Variants in SOX5 observed in about 807,000 individuals in gnomAD.
SOX5 encodes the protein transcription factor SOX-5.
In SOX5, 9 loss-of-function variants were observed where a neutral mutation model predicts 92.0. The ratio of observed to expected loss-of-function variants is 0.10; its 90% CI spans 0.06 to 0.17. SOX5 has a LOEUF of 0.17. SOX5 is among the 10% of genes least tolerant of loss of function. The pLI, the probability that SOX5 is intolerant of heterozygous loss-of-function variation, is 1.00. For missense variants in SOX5, 642 were observed against 944.5 expected (o/e 0.68, Z 4.20); for synonymous variants, 344 against 336.3 (o/e 1.02, Z -0.25).
chr12:24,257,621 AC>A (rs1268697324), intron 3 of SOX5, among the ~76,000 whole-genome samples: 1 of 151,996 alleles, frequency 6.6e-6, no homozygotes, highest in Non-Finnish European at 1.5e-5. Context: ...GGCACGCACC[AC>A]CACGACTGGC....
intron 4 of SOX5, among the ~76,000 whole-genome samples, chr12:24,141,495 G>A (rs1404061897): frequency 6.6e-6 from 1 of 152,192 alleles, no homozygotes; most frequent in Admixed American, 6.5e-5. Flanking sequence ...GATTTGGAAT[G>A]GAAGAAGATA....
At chr12:23,689,186 C>T (rs2088259945) in intron 6 of SOX5, among the ~76,000 whole-genome samples, 1 of 152,076 alleles carries the variant, frequency 6.6e-6, no homozygotes, top group African/African-American at 2.4e-5. Context: ...GTTTTCTCCT[C>T]CCCAACCATT....
At chr12:24,024,748 A>G (rs999594472) in intron 4 of SOX5, among the ~76,000 whole-genome samples, 2 of 151,956 alleles carry the variant, frequency 1.3e-5, no homozygotes, top group Admixed American at 1.3e-4. Flanking sequence ...AAAAGGGACT[A>G]CAACCTTTAA....
At chr12:24,452,493 C>T (rs948145263) in intron 1 of SOX5, among the ~76,000 whole-genome samples, 1 of 152,102 alleles carries the variant, frequency 6.6e-6, no homozygotes, top group African/African-American at 2.4e-5. Context: ...AGAGGCTAGA[C>T]TGATGACCTT....
At chr12:24,481,462 A>C (rs554163199) in intron 1 of SOX5, among the ~76,000 whole-genome samples, 69 of 152,298 alleles carry the variant, frequency 4.5e-4, no homozygotes, top group African/African-American at 1.7e-3. Context: ...GCTTGAGGGG[A>C]TGAATACCCC....
chr12:23,571,867 A>G (rs1456945130), intron 10 of SOX5, among the ~76,000 whole-genome samples: 2 of 152,150 alleles, frequency 1.3e-5, no homozygotes, highest in African/African-American at 2.4e-5. Context: ...TATCTACTCC[A>G]TCTAGTTAAG....
intron 4 of SOX5, among the ~76,000 whole-genome samples, chr12:24,085,619 C>T (rs1244707118): frequency 6.6e-6 from 1 of 151,962 alleles, no homozygotes; most frequent in African/African-American, 2.4e-5. Flanking sequence ...CCCACATACA[C>T]CTTAGAAACT....
chr12:23,986,715 G>A (rs1032946788), intron 4 of SOX5, among the ~76,000 whole-genome samples: 2 of 152,070 alleles, frequency 1.3e-5, no homozygotes, highest in South Asian at 2.1e-4. Context: ...GTCAAGTAGG[G>A]GTTGTACCAG....
intron 6 of SOX5, 98 bp from the exon 7 acceptor site, chr12:23,665,662 C>A: frequency 7.2e-7 from 1 of 1,394,722 alleles, no homozygotes; most frequent in Non-Finnish European, 9.7e-7. Flanking sequence ...ATCATTTATT[C>A]AATTCAAAAG....
intron 4 of SOX5, among the ~76,000 whole-genome samples, chr12:24,019,436 A>G (rs543220960): frequency 3.3e-5 from 5 of 152,354 alleles, no homozygotes; most frequent in African/African-American, 9.6e-5. Flanking sequence ...ATATAGAATT[A>G]TAAAGTTTTA....
chr12:23,541,105 T>C (rs2135983070), intron 13 of SOX5, among the ~76,000 whole-genome samples: 1 of 152,340 alleles, frequency 6.6e-6, no homozygotes, highest in South Asian at 2.1e-4. Flanking sequence ...CTCTTTCATG[T>C]TGTCTATTAT....
intron 4 of SOX5, among the ~76,000 whole-genome samples, chr12:23,967,583 T>C (rs760934658): frequency 2.0e-4 from 31 of 152,212 alleles, no homozygotes; most frequent in Non-Finnish European, 4.0e-4. Context: ...TAAAATATCC[T>C]TGTGATTTCA....
intron 8 of SOX5, among the ~76,000 whole-genome samples, chr12:23,627,939 A>T (rs1391816089): frequency 1.3e-5 from 2 of 151,784 alleles, no homozygotes; most frequent in African/African-American, 4.8e-5. Context: ...TTCTATGTAC[A>T]AAAACTTGAT....
At chr12:24,289,620 AT>A (rs1226813199) in intron 2 of SOX5, among the ~76,000 whole-genome samples, 9 of 143,096 alleles carry the variant, frequency 6.3e-5, no homozygotes, top group Non-Finnish European at 8.9e-5. Flanking sequence ...CGCCCGGCTA[AT>A]TTTTTTGTAT....
chr12:23,712,859 T>G (rs550837631), intron 6 of SOX5, among the ~76,000 whole-genome samples: 1 of 152,310 alleles, frequency 6.6e-6, no homozygotes, highest in Non-Finnish European at 1.5e-5. Flanking sequence ...TACTCATTCT[T>G]TTTTAGTAGC....
chr12:24,326,369 T>A (rs1423199135), intron 2 of SOX5, among the ~76,000 whole-genome samples: 1 of 152,088 alleles, frequency 6.6e-6, no homozygotes, highest in African/African-American at 2.4e-5. Flanking sequence ...TAACTCCTCA[T>A]ATAGAACTGA....
At chr12:23,584,266 T>C (rs1420917419) in intron 9 of SOX5, among the ~76,000 whole-genome samples, 3 of 152,082 alleles carry the variant, frequency 2.0e-5, no homozygotes, top group Admixed American at 2.0e-4. Flanking sequence ...GATGAAAATA[T>C]TAATGAAACA....
intron 4 of SOX5, among the ~76,000 whole-genome samples, chr12:24,195,029 AT>A (rs1258082332): frequency 6.6e-6 from 1 of 152,082 alleles, no homozygotes; most frequent in Non-Finnish European, 1.5e-5. Flanking sequence ...AGAAATGGTC[AT>A]GGTAAAAGTT....
chr12:23,630,109 A>C (rs1284147644), intron 8 of SOX5, among the ~76,000 whole-genome samples: 1 of 152,014 alleles, frequency 6.6e-6, no homozygotes, highest in African/African-American at 2.4e-5. Flanking sequence ...ATGATTTATA[A>C]AAAAGTTGCA....
Sources: gnomAD v4.1 joint callset for allele counts (sites outside exome capture counted in the v4.1 genomes callset) on GRCh38, gnomAD v4.1.1 for gene constraint, MANE v1.5 for transcripts, NCBI Gene and HGNC (gene_info 2026-07-23, HGNC 2026-07-21) for gene names.